The following BMS1 variants were observed in gnomAD, a reference collection of about 807,000 sequenced individuals.
BMS1 encodes BMS1 ribosome biogenesis factor, also known as ribosome biogenesis protein BMS1 homolog.
BMS1 carries 53 observed loss-of-function variants against 138.7 expected under a neutral mutation model. The ratio of observed to expected loss-of-function variants is 0.38; its 90% CI spans 0.31 to 0.48. The LOEUF (loss-of-function observed/expected upper bound fraction) is 0.48. BMS1 is among the 20% of genes least tolerant of loss of function. BMS1 has a pLI of 0.97. For missense variants in BMS1, 1,360 were observed against 1,565.5 expected, an observed-to-expected ratio of 0.87 and a Z score of 2.22; for synonymous variants, 504 against 539.9, an observed-to-expected ratio of 0.93 and a Z score of 0.92.
chr10:42,805,166 T>G (rs1841977782), intron 13 of BMS1, among the ~76,000 whole-genome samples: 1 of 152,226 alleles, frequency 6.6e-6, no homozygotes, highest in Non-Finnish European at 1.5e-5. Flanking sequence ...GTTAATTTTT[T>G]ATAGAGTGTT....
chr10:42,834,211 T>G lies in BMS1; in HGVS notation c.*3115T>G, dbSNP rs1842840910. 2 of 151,906 alleles carry G rather than the reference T, an allele frequency of 1.3e-5. No homozygotes were observed. Among genetic ancestry groups the G allele is most frequent in the South Asian group, 4.2e-4 (2 of 4,810 alleles). The allele number at this position is 151,906 out of a possible 1,614,324, so 9.4% of individuals were successfully genotyped here. A position where few individuals can be genotyped will look rare whatever the true frequency, so the allele number is the denominator to read the frequency against. On this transcript the variant is annotated 3_prime_UTR_variant, in exon 23 of 23. Transcript: ENST00000374518. ...ATTTAATCATAGATGTGTTCAGGTG[T>G]GTTTGGTTTCCTATTTGTGGATGTA...
At chr10:42,825,018 T>C (rs182801647) in intron 21 of BMS1, among the ~76,000 whole-genome samples, 26 of 151,384 alleles carry the variant, frequency 1.7e-4, no homozygotes, top group African/African-American at 6.3e-4. Flanking sequence ...TTTTATTTTC[T>C]TTTTTTTTGA....
intron 6 of BMS1, 67 bp from the exon 7 acceptor site, chr10:42,792,426 G>A (rs1369963211): frequency 3.2e-6 from 5 of 1,574,000 alleles, no homozygotes; most frequent in Non-Finnish European, 4.3e-6. Flanking sequence ...ATGAATCATT[G>A]ACACATGAAA....
chr10:42,784,619 ATAG>A, intron 2 of BMS1, 49 bp downstream of exon 2: 2 of 1,546,436 alleles, frequency 1.3e-6, no homozygotes, highest in Non-Finnish European at 8.7e-7. Context: ...CTTTTTTTAA[ATAG>A]TAGGAGCCTC....
chr10:42,808,321 CAG>C (rs1314746497), intron 13 of BMS1, among the ~76,000 whole-genome samples: 7 of 150,740 alleles, frequency 4.6e-5, no homozygotes, highest in African/African-American at 1.7e-4. Context: ...TTTTTTGAGA[CAG>C]AGTCTCTCTC....
Position 42,798,623 on chromosome 10 carries a change from G to A in BMS1, c.2245G>A (p.Glu749Lys), listed in dbSNP as rs1235207921. 1 of 1,614,188 alleles carries A rather than the reference G, an allele frequency of 6.2e-7. No homozygotes were observed. Among genetic ancestry groups the A allele is most frequent in the Non-Finnish European group, 8.5e-7 (1 of 1,180,010 alleles). Residue 749 changes from glutamate (E) to lysine (K), a missense_variant and splice_region_variant, in exon 12 of 23, where the codon GAG becomes AAG. Transcript: ENST00000374518. Reference protein sequence around the residue: ...VEAPHDWDLEEVMNSIRDCFV... With the variant: ...VEAPHDWDLEKVMNSIRDCFV... ...GGCCCCCCATGACTGGGATTTAGAG[G>A]AGGTAAGTCTGGGTAGTACATTTGA...
intron 15 of BMS1, among the ~76,000 whole-genome samples, chr10:42,819,699 A>G (rs1054865906): frequency 1.3e-5 from 2 of 152,220 alleles, no homozygotes; most frequent in Admixed American, 6.5e-5. Context: ...CTCCACAGTT[A>G]TCTACATTTG....
intron 3 of BMS1, 54 bp from the exon 4 acceptor site, chr10:42,787,114 T>C (rs191919925): frequency 2.6e-6 from 2 of 777,372 alleles, no homozygotes; most frequent in Non-Finnish European, 4.5e-6. Context: ...GAGTTGATGG[T>C]TAGAGTTTTT....
chr10:42,793,182 G>A lies in BMS1; in HGVS notation c.1089+38G>A, dbSNP rs749475716. On this transcript the variant is annotated intron_variant, in intron 8 of 22. Coordinates refer to ENST00000374518, the MANE Select transcript of BMS1 (RefSeq NM_014753.4). ...CGGGAGTCATTTCTCTGAACTTTCAGTATTCTTTCTGAATCTATTTTTTAA... is the reference window on the plus strand; with the variant it reads ...CGGGAGTCATTTCTCTGAACTTTCAATATTCTTTCTGAATCTATTTTTTAA... The A allele has an allele frequency of 3.9e-6, 6 of 1,525,064 alleles. No individual in the cohort carries two copies. In the East Asian group the frequency reaches 1.2e-4, roughly 29 times the overall value. 94.5% of individuals were successfully genotyped at this position (1,525,064 alleles called of 1,614,324 possible).
At chr10:42,790,590 A>T in intron 5 of BMS1, 79 bp downstream of exon 5, 1 of 1,457,268 alleles carries the variant, frequency 6.9e-7, no homozygotes, top group Non-Finnish European at 9.4e-7. Context: ...GCAGTGGCTA[A>T]CACCTGTAAT....
At chr10:42,815,203 A>AT (rs1298522078) in intron 13 of BMS1, among the ~76,000 whole-genome samples, 1 of 152,198 alleles carries the variant, frequency 6.6e-6, no homozygotes, top group Non-Finnish European at 1.5e-5. Context: ...AAATGAGGAC[A>AT]TATCATTATT....
intron 3 of BMS1, 57 bp downstream of exon 3, chr10:42,785,729 T>C: frequency 6.5e-7 from 1 of 1,549,770 alleles, no homozygotes; most frequent in Non-Finnish European, 8.8e-7. Context: ...CTGAGGGACA[T>C]GCATGCGTTT....
chr10:42,791,562 A>G, intron 5 of BMS1, 65 bp from the exon 6 acceptor site: 1 of 1,446,308 alleles, frequency 6.9e-7, no homozygotes, highest in Non-Finnish European at 9.3e-7. Context: ...TAGAGCTTTT[A>G]TTTTGTTGCA....
intron 13 of BMS1, among the ~76,000 whole-genome samples, chr10:42,811,738 A>G (rs979954357): frequency 1.3e-5 from 2 of 149,134 alleles, no homozygotes; most frequent in African/African-American, 4.9e-5. Flanking sequence ...TTTAGCCGGG[A>G]TGGTCTCGAT....
intron 3 of BMS1, among the ~76,000 whole-genome samples, chr10:42,786,080 T>C (rs1285390215): frequency 1.3e-5 from 2 of 152,226 alleles, no homozygotes; most frequent in Non-Finnish European, 2.9e-5. Context: ...ATGATAATGT[T>C]CACTATGTCT....
Position 42,831,236 on chromosome 10 carries a change from G to T in BMS1, c.*140G>T. On this transcript the variant is annotated 3_prime_UTR_variant, in exon 23 of 23. Coordinates refer to ENST00000374518, the MANE Select transcript of BMS1 (RefSeq NM_014753.4). ...ACTCAAACTGTGCCTGCAGGAGGAG[G>T]AACAGAGAAGCCTGGGCTGCTGGGA... 3.3e-6 allele frequency: 3 copies of T among 904,218 alleles called. No individual in the cohort carries two copies. Among genetic ancestry groups the T allele is most frequent in the Non-Finnish European group, 5.0e-6 (3 of 603,576 alleles). The allele number at this position is 904,218 out of a possible 1,614,324, so 56.0% of individuals were successfully genotyped here. A position where few individuals can be genotyped will look rare whatever the true frequency, so the allele number is the denominator to read the frequency against.
Position 42,787,276 on chromosome 10 carries a change from T to C in BMS1, c.447+29T>C, listed in dbSNP as rs551370809. 90 of 837,376 alleles carry C rather than the reference T, an allele frequency of 1.1e-4. 1 individual carries two copies. The Admixed American group carries it at 1.7e-3, about 15-fold the overall frequency. The allele number at this position is 837,376 out of a possible 1,614,324, so 51.9% of individuals were successfully genotyped here. A position where few individuals can be genotyped will look rare whatever the true frequency, so the allele number is the denominator to read the frequency against. ...AGTGAGCAGGGGCAGCCTGGGGTGC[T>C]GATGGAGACTTACAGCATTGTGATA... On this transcript the variant is annotated intron_variant, in intron 4 of 22. Coordinates refer to ENST00000374518, the MANE Select transcript of BMS1 (RefSeq NM_014753.4).
At chr10:42,791,456 G>A (rs1841502348) in intron 5 of BMS1, among the ~76,000 whole-genome samples, 171 bp from the exon 6 acceptor site, 1 of 152,170 alleles carries the variant, frequency 6.6e-6, no homozygotes, top group Admixed American at 6.5e-5. Flanking sequence ...TGCCTCTGTG[G>A]GGTTCTAATA....
intron 4 of BMS1, among the ~76,000 whole-genome samples, chr10:42,789,447 A>G (rs1352964027): frequency 1.3e-5 from 2 of 152,226 alleles, no homozygotes; most frequent in Admixed American, 6.5e-5. Flanking sequence ...CAAAGATAAG[A>G]ACAGAAATGT....
Sources: allele counts gnomAD v4.1 joint callset (sites outside exome capture counted in the v4.1 genomes callset), GRCh38; gene constraint gnomAD v4.1.1; transcripts MANE v1.5; gene names NCBI Gene and HGNC (gene_info 2026-07-23, HGNC 2026-07-21).